BANP: variants seen among roughly 807,000 people sequenced by gnomAD.
BANP encodes BTG3 associated nuclear protein, also known as protein BANP.
Under a neutral mutation model 68.1 loss-of-function variants are expected in BANP, and 11 were observed. The observed-to-expected ratio is 0.16, with a 90% CI of 0.10 to 0.27. BANP has a LOEUF of 0.27. Among genes scored for constraint, BANP ranks in the 10% least tolerant of loss-of-function variants. The probability of loss-of-function intolerance (pLI) is 1.00; values close to 1 mark genes in which losing one functional copy is unlikely to be tolerated. For missense variants in BANP, 504 were observed against 722.7 expected, an observed-to-expected ratio of 0.70 and a Z score of 3.47; for synonymous variants, 329 against 303.2, an observed-to-expected ratio of 1.09 and a Z score of -0.88.
At chr16:87,967,254 CTTTTTTTTTTTTTT>C (rs573550962) in intron 1 of BANP, among the ~76,000 whole-genome samples, 1 of 106,994 alleles carries the variant, frequency 9.3e-6, no homozygotes, top group African/African-American at 3.5e-5. Flanking sequence ...GGAAAAGGTT[CTTTTTTTTTTTTTT>C]TTTTTTTTTT....
At chr16:87,965,455 C>T (rs1454732812) in intron 1 of BANP, among the ~76,000 whole-genome samples, 1 of 150,972 alleles carries the variant, frequency 6.6e-6, no homozygotes, top group East Asian at 1.9e-4. Flanking sequence ...AAGGGTGATG[C>T]TGAGGGACCA....
intron 1 of BANP, among the ~76,000 whole-genome samples, chr16:87,968,290 C>T (rs1303655976): frequency 1.3e-5 from 2 of 151,538 alleles, no homozygotes; most frequent in Non-Finnish European, 1.5e-5. Context: ...TCGAGACCAG[C>T]CTGACCCAAC....
chr16:87,977,409 A>C, intron 2 of BANP, among the ~76,000 whole-genome samples: 2 of 136,538 alleles, frequency 1.5e-5, no homozygotes, highest in African/African-American at 5.2e-5. Flanking sequence ...ACAGAGCGAG[A>C]CTCCGTCTCA....
upstream of BANP, among the ~76,000 whole-genome samples, chr16:87,949,940 C>G (rs553838842): frequency 3.1e-3 from 473 of 151,256 alleles, 4 homozygotes; most frequent in African/African-American, 0.011. Context: ...TCCAGTGGCG[C>G]CATCTCGGCT....
At chr16:88,065,450 T>C (rs2088266033) in intron 12 of BANP, 118 bp downstream of exon 12, 1 of 620,442 alleles carries the variant, frequency 1.6e-6, no homozygotes, top group African/African-American at 1.8e-5. Flanking sequence ...TCTCACCACG[T>C]GAGGGTGATC....
intron 11 of BANP, among the ~76,000 whole-genome samples, chr16:88,063,885 A>C (rs1278760032): frequency 6.6e-6 from 1 of 152,242 alleles, no homozygotes. Flanking sequence ...TGGTGAATGA[A>C]AATAAAAGTA....
At chr16:88,044,504 T>G (rs2081516554) in intron 11 of BANP, among the ~76,000 whole-genome samples, 2 of 152,256 alleles carry the variant, frequency 1.3e-5, no homozygotes, top group Admixed American at 1.3e-4. Context: ...TCTTCCTTTT[T>G]GTCTCTTTGA....
rs1205198992 is a variant in BANP at position 88,033,174 on chromosome 16, C to G, written c.1129C>G (p.Leu377Val). ...LPQPQPQPQA[L>V]HYALANAQQV... ...GCAGCCACAGCCGCAGCCGCAGGCCCTGCACTACGCGCTGGCCAACGCACA... is the reference window on the plus strand; with the variant it reads ...GCAGCCACAGCCGCAGCCGCAGGCCGTGCACTACGCGCTGGCCAACGCACA... Residue 377 changes from leucine (L) to valine (V), a missense_variant, in exon 9 of 14, where the codon CTG (leucine) becomes GTG (valine). Leu to Val is a conservative substitution (Grantham distance 32). Coordinates refer to ENST00000682872, the MANE Select transcript of BANP (RefSeq NM_001386991.1). The G allele has an allele frequency of 6.2e-7, 1 of 1,611,926 alleles. No homozygotes were observed. Among genetic ancestry groups the G allele is most frequent in the Admixed American group, 1.7e-5 (1 of 59,970 alleles).
intron 8 of BANP, among the ~76,000 whole-genome samples, chr16:88,032,068 G>A (rs963373700): frequency 6.6e-6 from 1 of 152,116 alleles, no homozygotes; most frequent in African/African-American, 2.4e-5. Flanking sequence ...GCCTCCCAAA[G>A]TGCTGGGATT....
intron 1 of BANP, among the ~76,000 whole-genome samples, chr16:87,964,333 C>T (rs2059671005): frequency 6.6e-6 from 1 of 152,260 alleles, no homozygotes; most frequent in Admixed American, 6.5e-5. Context: ...GTGAAGCTCA[C>T]CTTCTAGCAG....
At chr16:87,978,592 G>A (rs1429632745) in intron 2 of BANP, 1 of 469,694 alleles carries the variant, frequency 2.1e-6, no homozygotes, top group Non-Finnish European at 4.4e-6. Flanking sequence ...GATGGTTGAT[G>A]CGCTCCCTGC....
At chr16:88,022,602 T>C (rs1268433830) in intron 7 of BANP, among the ~76,000 whole-genome samples, 4 of 152,190 alleles carry the variant, frequency 2.6e-5, no homozygotes, top group Non-Finnish European at 5.9e-5. Flanking sequence ...TCTTGCAGGG[T>C]GCCTCAGGTT....
intron 11 of BANP, among the ~76,000 whole-genome samples, chr16:88,062,802 A>C (rs1476667891): frequency 6.6e-6 from 1 of 152,178 alleles, no homozygotes; most frequent in Non-Finnish European, 1.5e-5. Flanking sequence ...GTTGGGCACT[A>C]AGTCGGAATT....
chr16:88,013,980 G>A lies in BANP; in HGVS notation c.656-4448G>A, dbSNP rs558267929. ...CTGTGCTGAGCAGGAAGCGCAGGGC[G>A]TGGAGCTGTGAGCCGCAAACACAGG... On this transcript the variant is annotated intron_variant, in intron 6 of 13. Transcript: ENST00000682872. Among the ~76,000 whole-genome samples the A allele has an allele frequency of 2.4e-4, 37 of 152,358 alleles. No individual in the cohort carries two copies. In the South Asian group the frequency reaches 7.5e-3, roughly 31 times the overall value.
intron 2 of BANP, among the ~76,000 whole-genome samples, chr16:87,978,970 T>C (rs2062744161): frequency 6.6e-6 from 1 of 152,208 alleles, no homozygotes; most frequent in Non-Finnish European, 1.5e-5. Flanking sequence ...ATGTCAAAGA[T>C]AACCTCAAAA....
intron 4 of BANP, among the ~76,000 whole-genome samples, chr16:87,987,269 G>C (rs1387559740): frequency 6.6e-6 from 1 of 152,078 alleles, no homozygotes; most frequent in Non-Finnish European, 1.5e-5. Flanking sequence ...AGAAGAGACA[G>C]GGTTTCGCCA....
At chr16:87,986,888 A>G (rs2152475964) in intron 4 of BANP, among the ~76,000 whole-genome samples, 1 of 152,322 alleles carries the variant, frequency 6.6e-6, no homozygotes, top group East Asian at 1.9e-4. Flanking sequence ...GGCAAAATCA[A>G]CCTATTGTAG....
chr16:88,035,788 T>C (rs1293025004), intron 10 of BANP, among the ~76,000 whole-genome samples: 1 of 152,238 alleles, frequency 6.6e-6, no homozygotes, highest in Non-Finnish European at 1.5e-5. Flanking sequence ...ACCTGCCATG[T>C]GGCCCCAGCT....
At chr16:88,041,921 C>T (rs1359900557) in intron 11 of BANP, among the ~76,000 whole-genome samples, 1 of 152,166 alleles carries the variant, frequency 6.6e-6, no homozygotes, top group Non-Finnish European at 1.5e-5. Flanking sequence ...GCCTGAGAGA[C>T]ACAGTAGGAG....
Sources: allele counts gnomAD v4.1 joint callset (sites outside exome capture counted in the v4.1 genomes callset), GRCh38; gene constraint gnomAD v4.1.1; transcripts MANE v1.5; gene names NCBI Gene and HGNC (gene_info 2026-07-23, HGNC 2026-07-21).